The following NIBAN1 variants were observed in gnomAD, a reference collection of about 807,000 sequenced individuals.
The protein encoded by NIBAN1 is protein Niban 1.
Under a neutral mutation model 75.1 loss-of-function variants are expected in NIBAN1, and 81 were observed. That is an observed-to-expected ratio of 1.08 (90% CI 0.90 to 1.30). The LOEUF is 1.30. Ranked by LOEUF, NIBAN1 falls within the 50% of genes most tolerant of loss-of-function variation. The pLI is 0.00. For synonymous variants in NIBAN1, 436 were observed against 424.8 expected (o/e 1.03, Z -0.32); for missense variants, 1,133 against 1,128.1 (o/e 1.00, Z -0.06).
At chr1:184,910,932 C>T (rs1047124448) in intron 1 of NIBAN1, among the ~76,000 whole-genome samples, 1 of 152,150 alleles carries the variant, frequency 6.6e-6, no homozygotes, top group South Asian at 2.1e-4. Context: ...ATGGGTTCTT[C>T]CTGGGTCTCC....
At chr1:184,815,879 G>A (rs963864540) in intron 9 of NIBAN1, among the ~76,000 whole-genome samples, 2 of 152,114 alleles carry the variant, frequency 1.3e-5, no homozygotes, top group Non-Finnish European at 2.9e-5. Flanking sequence ...AGACTAAAAG[G>A]CAATAATTAG....
chr1:184,946,992 G>T (rs1308653734), intron 1 of NIBAN1, among the ~76,000 whole-genome samples: 1 of 151,524 alleles, frequency 6.6e-6, no homozygotes, highest in East Asian at 1.9e-4. Flanking sequence ...AGAATCTCTT[G>T]AACCCAGGAG....
At chr1:184,813,283 G>A (rs1654435347) in intron 9 of NIBAN1, among the ~76,000 whole-genome samples, 1 of 152,040 alleles carries the variant, frequency 6.6e-6, no homozygotes, top group Non-Finnish European at 1.5e-5. Flanking sequence ...ACAAAAATAA[G>A]CACTTACATC....
chr1:184,894,216 G>C lies in NIBAN1; in HGVS notation c.187-10C>G. 6.3e-7 allele frequency: 1 copy of C among 1,591,672 alleles called. No homozygotes were observed. On this transcript the variant is annotated splice_polypyrimidine_tract_variant and intron_variant, in intron 2 of 13. Coordinates refer to ENST00000367511, the MANE Select transcript of NIBAN1 (RefSeq NM_052966.4). Reference sequence around the variant, plus strand: ...CAGGCGCCAATGGTGGCTTAAAGAAGATGAATACAATTAACTATCACAACA... The same window carrying C: ...CAGGCGCCAATGGTGGCTTAAAGAACATGAATACAATTAACTATCACAACA...
intron 1 of NIBAN1, among the ~76,000 whole-genome samples, chr1:184,911,294 C>T (rs145862496): frequency 8.8e-4 from 134 of 152,264 alleles, no homozygotes; most frequent in African/African-American, 3.2e-3. Flanking sequence ...GTAGAATCAG[C>T]ATGCCAATGT....
intron 1 of NIBAN1, among the ~76,000 whole-genome samples, chr1:184,965,936 C>A (rs1658774205): frequency 6.6e-6 from 1 of 152,144 alleles, no homozygotes; most frequent in South Asian, 2.1e-4. Context: ...AAAAACTCTG[C>A]ATATCAAACA....
intron 5 of NIBAN1, among the ~76,000 whole-genome samples, chr1:184,876,687 C>CAA (rs773132917): frequency 3.0e-5 from 4 of 135,108 alleles, no homozygotes; most frequent in African/African-American, 5.5e-5. Flanking sequence ...GACTCCATCT[C>CAA]AAAAAAAAAA....
chr1:184,913,887 A>C (rs1212158168), intron 1 of NIBAN1, among the ~76,000 whole-genome samples: 1 of 152,208 alleles, frequency 6.6e-6, no homozygotes, highest in Non-Finnish European at 1.5e-5. Flanking sequence ...CCATGGATGC[A>C]AATCTGGCTT....
At chr1:184,919,487 T>C (rs1300727433) in intron 1 of NIBAN1, among the ~76,000 whole-genome samples, 1 of 152,228 alleles carries the variant, frequency 6.6e-6, no homozygotes, top group Non-Finnish European at 1.5e-5. Flanking sequence ...TTAATCCGAT[T>C]CAGTGCAAAG....
intron 1 of NIBAN1, among the ~76,000 whole-genome samples, chr1:184,948,160 A>T (rs1005643179): frequency 6.6e-6 from 1 of 152,242 alleles, no homozygotes; most frequent in Non-Finnish European, 1.5e-5. Flanking sequence ...TATAGTCATT[A>T]TATAAGCTTA....
chr1:184,888,126 C>T (rs1656574905), intron 4 of NIBAN1: 1 of 152,180 alleles, frequency 6.6e-6, no homozygotes, highest in Admixed American at 6.6e-5. Context: ...GAGGTCGAGG[C>T]TACAGTGAGC....
intron 5 of NIBAN1, among the ~76,000 whole-genome samples, chr1:184,866,852 GA>G (rs1476962939): frequency 6.6e-6 from 1 of 152,076 alleles, no homozygotes; most frequent in Non-Finnish European, 1.5e-5. Flanking sequence ...GTGATATTTA[GA>G]ACTTCACCTA....
At chr1:184,907,942 A>G (rs1227052479) in intron 1 of NIBAN1, among the ~76,000 whole-genome samples, 1 of 152,210 alleles carries the variant, frequency 6.6e-6, no homozygotes, top group Non-Finnish European at 1.5e-5. Flanking sequence ...TACTTTGGAT[A>G]TTCATCCACA....
At chr1:184,896,082 T>C (rs966223897) in intron 2 of NIBAN1, among the ~76,000 whole-genome samples, 2 of 152,212 alleles carry the variant, frequency 1.3e-5, no homozygotes, top group African/African-American at 4.8e-5. Context: ...TACCCAGTAG[T>C]AGGATTGCTG....
At chr1:184,829,081 T>C (rs1260191540) in intron 6 of NIBAN1, among the ~76,000 whole-genome samples, 1 of 152,196 alleles carries the variant, frequency 6.6e-6, no homozygotes, top group Non-Finnish European at 1.5e-5. Flanking sequence ...ATTACAGGTA[T>C]GAGCCACCAC....
intron 1 of NIBAN1, among the ~76,000 whole-genome samples, chr1:184,943,022 T>C (rs1373402319): frequency 6.6e-6 from 1 of 152,260 alleles, no homozygotes; most frequent in Non-Finnish European, 1.5e-5. Context: ...AAGTGATATC[T>C]CTTCTTATAA....
chr1:184,837,996 G>A (rs1295653661), intron 5 of NIBAN1, among the ~76,000 whole-genome samples: 1 of 152,024 alleles, frequency 6.6e-6, no homozygotes, highest in Non-Finnish European at 1.5e-5. Context: ...CTCTACAACT[G>A]AATACAATAG....
intron 5 of NIBAN1, among the ~76,000 whole-genome samples, chr1:184,866,762 C>T (rs537135598): frequency 1.3e-5 from 2 of 152,166 alleles, no homozygotes; most frequent in Admixed American, 1.3e-4. Flanking sequence ...TGGCAACTCA[C>T]TCATCTATGC....
At position 184,807,322 on chromosome 1, in the gene NIBAN1, A is replaced by G. The variant is rs544642998; in HGVS notation, c.1335+752T>C. 1.5e-4 allele frequency among the ~76,000 whole-genome samples: 9 copies of G among 60,126 alleles called. No individual in the cohort carries two copies. The East Asian group carries it at 6.3e-3, about 42-fold the overall frequency. The allele number at this position is 60,126 out of a possible 152,430, so 39.4% of individuals were successfully genotyped here. ...TTACTGGGGAAAAGGTTCCTTATGA[A>G]AAAAAAAAAAAAGAAACCTGTCAAG... is the stretch of plus-strand genomic sequence containing the variant. On this transcript the variant is annotated intron_variant, in intron 10 of 13. Coordinates refer to ENST00000367511, the MANE Select transcript of NIBAN1 (RefSeq NM_052966.4).
Sources: allele counts gnomAD v4.1 joint callset (sites outside exome capture counted in the v4.1 genomes callset), GRCh38; gene constraint gnomAD v4.1.1; transcripts MANE v1.5; gene names NCBI Gene and HGNC (gene_info 2026-07-23, HGNC 2026-07-21).